Variants in CNIH4 observed in about 807,000 individuals in gnomAD.
CNIH4 encodes cornichon family member 4.
Under a neutral mutation model 21.5 loss-of-function variants are expected in CNIH4, and 9 were observed. The observed-to-expected ratio is 0.42, with a 90% confidence interval of 0.25 to 0.73. The LOEUF (loss-of-function observed/expected upper bound fraction) is 0.73, where lower values mean the gene tolerates loss of function less well. Among genes scored for constraint, CNIH4 ranks in the 30% least tolerant of loss-of-function variants. The pLI is 0.27. For missense variants in CNIH4, 159 were observed against 170.0 expected (o/e 0.94, Z 0.36); for synonymous variants, 67 against 59.1 (o/e 1.13, Z -0.61).
intron 2 of CNIH4, among the ~76,000 whole-genome samples, chr1:224,362,619 A>G (rs1672330677): frequency 1.3e-5 from 2 of 150,968 alleles, no homozygotes; most frequent in Non-Finnish European, 2.9e-5. Context: ...CCTCCCGAGT[A>G]GCTGGGACTA....
At chr1:224,371,935 TCTGTTTC>T (rs1291850623) in intron 4 of CNIH4, among the ~76,000 whole-genome samples, 8 of 152,090 alleles carry the variant, frequency 5.3e-5, no homozygotes, top group African/African-American at 1.7e-4. Context: ...ATAGTGAAAC[TCTGTTTC>T]ATATTTTTTT....
At chr1:224,364,704 G>T (rs1446676680) in intron 2 of CNIH4, among the ~76,000 whole-genome samples, 1 of 152,202 alleles carries the variant, frequency 6.6e-6, no homozygotes, top group Non-Finnish European at 1.5e-5. Flanking sequence ...GGAGGCTGAG[G>T]TGGGTGGATC....
intron 3 of CNIH4, 68 bp from the exon 4 acceptor site, chr1:224,371,215 C>G: frequency 6.7e-7 from 1 of 1,501,434 alleles, no homozygotes; most frequent in Non-Finnish European, 9.1e-7. Flanking sequence ...TTATTGGCTA[C>G]TTATATTTGA....
intron 2 of CNIH4, chr1:224,364,350 T>C: frequency 1.0e-6 from 1 of 985,452 alleles, no homozygotes; most frequent in Non-Finnish European, 1.2e-6. Flanking sequence ...GGATCTGATA[T>C]GGATCGCAGA....
chr1:224,362,743 G>C (rs754174304), intron 2 of CNIH4, among the ~76,000 whole-genome samples: 7 of 152,108 alleles, frequency 4.6e-5, no homozygotes, highest in Non-Finnish European at 7.4e-5. Flanking sequence ...TCTGCCCAAA[G>C]TGCTGGGATT....
At chr1:224,356,871 G>A (rs1672125508), upstream of CNIH4, 4 of 1,501,308 alleles carry the variant, frequency 2.7e-6, no homozygotes, top group Non-Finnish European at 3.7e-6. Context: ...TCAGGGGTGG[G>A]TCGGGGCATC....
At chr1:224,365,825 T>C in intron 2 of CNIH4, 54 bp from the exon 3 acceptor site, 1 of 1,019,370 alleles carries the variant, frequency 9.8e-7, no homozygotes, top group South Asian at 1.3e-5. Context: ...AAATAACATG[T>C]ACAGTCAGGA....
At chr1:224,375,585 C>T (rs1672758744) in intron 4 of CNIH4, among the ~76,000 whole-genome samples, 1 of 151,292 alleles carries the variant, frequency 6.6e-6, no homozygotes, top group African/African-American at 2.4e-5. Flanking sequence ...GTTGTACTTC[C>T]CCCAACTCCC....
intron 3 of CNIH4, among the ~76,000 whole-genome samples, chr1:224,369,524 C>T (rs1274523911): frequency 1.3e-5 from 2 of 151,810 alleles, no homozygotes; most frequent in East Asian, 1.9e-4. Context: ...TGCGCTGAGC[C>T]GAGATCTTGC....
At position 224,379,045 on chromosome 1, in the gene CNIH4, G is replaced by T; in HGVS notation, c.*3223G>T. The T allele has an allele frequency of 6.5e-7, 1 of 1,550,314 alleles. No individual in the cohort carries two copies. The highest frequency in any genetic ancestry group is 8.7e-7 in the Non-Finnish European group (1 of 1,146,802). On this transcript the variant is annotated 3_prime_UTR_variant, in exon 5 of 5. Transcript: ENST00000465271. The stretch of plus-strand genomic sequence containing the variant: ...ATCTTAGTACGTATCATTTTCCCTT[G>T]CCTTTTTCCTTCTATCCTTTCAGTG...
intron 4 of CNIH4, among the ~76,000 whole-genome samples, chr1:224,374,408 C>CTTAACCTGTCTGAGCCTCA (rs1354338736): frequency 6.6e-6 from 1 of 150,924 alleles, no homozygotes. Flanking sequence ...GGGCAAGTTT[C>CTTAACCTGTCTGAGCCTCA]GTTTCTTTTT....
At chr1:224,360,672 CTT>C (rs1465894100) in intron 2 of CNIH4, 109 bp downstream of exon 2, 1 of 483,078 alleles carries the variant, frequency 2.1e-6, no homozygotes, top group African/African-American at 2.0e-5. Flanking sequence ...CATGTTGTCT[CTT>C]ATTCATTGGA....
intron 1 of CNIH4, 52 bp downstream of exon 1, chr1:224,357,045 T>A: frequency 6.4e-7 from 1 of 1,569,904 alleles, no homozygotes; most frequent in Non-Finnish European, 8.7e-7. Context: ...CGGCTGAGGG[T>A]GGGCCAGTTG....
chr1:224,367,265 T>C (rs1672490475), intron 3 of CNIH4, among the ~76,000 whole-genome samples: 1 of 152,066 alleles, frequency 6.6e-6, no homozygotes, highest in South Asian at 2.1e-4. Flanking sequence ...TGTTGTAAAG[T>C]GCAGTTAGAA....
chr1:224,357,968 T>C (rs536976198), intron 1 of CNIH4, among the ~76,000 whole-genome samples: 8 of 152,352 alleles, frequency 5.3e-5, no homozygotes, highest in African/African-American at 1.2e-4. Flanking sequence ...GCATTTCAGC[T>C]TCCTTTCTTG....
rs1459750263 is a variant in CNIH4 at position 224,376,400 on chromosome 1, G to A, written c.*578G>A. 1.0e-6 allele frequency: 1 copy of A among 985,216 alleles called. No individual in the cohort carries two copies. The highest frequency in any genetic ancestry group is 1.7e-5 in the African/African-American group (1 of 57,212). 61.0% of individuals were successfully genotyped at this position (985,216 alleles called of 1,614,324 possible). ...TTGCACAATTTGTGAAACCTTATAA[G>A]CCATTTTCCCCAGGTACAATGTAGT... On this transcript the variant is annotated 3_prime_UTR_variant, in exon 5 of 5. Transcript: ENST00000465271.
At position 224,379,220 on chromosome 1, in the gene CNIH4, C is replaced by T; in HGVS notation, c.*3398C>T. On this transcript the variant is annotated 3_prime_UTR_variant, in exon 5 of 5. Transcript: ENST00000465271. ...AGACTACAGTAGGACAAAACCTGAC[C>T]TGGTCTTTGAAGTTAAGAGCTAAGA... 1 of 936,502 alleles carries T rather than the reference C, an allele frequency of 1.1e-6. No individual in the cohort carries two copies. The highest frequency in any genetic ancestry group is 1.7e-6 in the Non-Finnish European group (1 of 598,198). 58.0% of individuals were successfully genotyped at this position (936,502 alleles called of 1,614,324 possible).
At chr1:224,358,917 G>A (rs1028613824) in intron 1 of CNIH4, among the ~76,000 whole-genome samples, 6 of 152,236 alleles carry the variant, frequency 3.9e-5, no homozygotes, top group South Asian at 4.1e-4. Context: ...CTTAGGGATA[G>A]GAGGTGGAAA....
intron 2 of CNIH4, among the ~76,000 whole-genome samples, chr1:224,363,806 T>C (rs1672369886): frequency 6.6e-6 from 1 of 152,186 alleles, no homozygotes; most frequent in Non-Finnish European, 1.5e-5. Context: ...TGAAAGCTCT[T>C]TGGATGGTCT....
Sources: allele counts gnomAD v4.1 joint callset (sites outside exome capture counted in the v4.1 genomes callset), GRCh38; gene constraint gnomAD v4.1.1; transcripts MANE v1.5; gene names NCBI Gene and HGNC (gene_info 2026-07-23, HGNC 2026-07-21).